NCOA2: variants seen among roughly 807,000 people sequenced by gnomAD.
NCOA2 encodes nuclear receptor coactivator 2.
NCOA2 carries 21 observed loss-of-function variants against 145.1 expected under a neutral mutation model. That is an observed-to-expected ratio of 0.14 (90% CI 0.10 to 0.21). The LOEUF is 0.21. Ranked by LOEUF, NCOA2 falls within the 10% of genes least tolerant of loss-of-function variation. The pLI is 1.00. For synonymous variants in NCOA2, 619 were observed against 637.5 expected, an observed-to-expected ratio of 0.97 and a Z score of 0.44; for missense variants, 1,472 against 1,837.6, an observed-to-expected ratio of 0.80 and a Z score of 3.64.
At chr8:70,141,102 G>T in intron 14 of NCOA2, 82 bp downstream of exon 14, 2 of 1,341,454 alleles carry the variant, frequency 1.5e-6, no homozygotes, top group Non-Finnish European at 1.0e-6. Flanking sequence ...CCCATAAGAA[G>T]CATGTCTTGA....
chr8:70,417,542 T>C, the NCOA2 span, among the ~76,000 whole-genome samples: 1 of 149,896 alleles, frequency 6.7e-6, no homozygotes, highest in African/African-American at 2.5e-5. Context: ...AGAGTGAGAC[T>C]CTGTCTCAAA....
At position 70,156,360 on chromosome 8, in the gene NCOA2, T is replaced by C; in HGVS notation, c.2005A>G (p.Thr669Ala). The change falls in exon 11 of 23, where the codon ACA (threonine) becomes GCA (alanine). Residue 669 changes from threonine to alanine, a missense_variant. By Grantham distance (58) the Thr-to-Ala change is moderately conservative. Coordinates refer to ENST00000452400, the MANE Select transcript of NCOA2 (RefSeq NM_006540.4). The part of the protein sequence containing the change: ...SSLSDTNKDS[T>A]GSLPGSGSTH... Reference sequence around the variant, plus strand: ...GACCCAGAACCAGGCAAGCTACCTGTGGAGTCTTTGTTTGTATCCGACAAA... The same window carrying C: ...GACCCAGAACCAGGCAAGCTACCTGCGGAGTCTTTGTTTGTATCCGACAAA... The C allele has an allele frequency of 6.2e-7, 1 of 1,613,932 alleles. No individual in the cohort carries two copies. The highest frequency in any genetic ancestry group is 8.5e-7 in the Non-Finnish European group (1 of 1,179,886).
intron 1 of NCOA2, among the ~76,000 whole-genome samples, chr8:70,366,821 A>C (rs1810733406): frequency 6.6e-6 from 1 of 152,088 alleles, no homozygotes; most frequent in South Asian, 2.1e-4. Flanking sequence ...GATTTTAGGC[A>C]AAGATGGGAT....
At chr8:70,138,914 G>A (rs1278493575) in intron 14 of NCOA2, among the ~76,000 whole-genome samples, 2 of 152,260 alleles carry the variant, frequency 1.3e-5, no homozygotes, top group Non-Finnish European at 1.5e-5. Context: ...ACGCTTGGGC[G>A]ATAATAAGAG....
At chr8:70,253,189 GAC>G in intron 2 of NCOA2, among the ~76,000 whole-genome samples, 1 of 152,244 alleles carries the variant, frequency 6.6e-6, no homozygotes, top group African/African-American at 2.4e-5. Context: ...GCAGAAAAAA[GAC>G]ATATTTCCTT....
chr8:70,219,738 C>T (rs1819981999), intron 2 of NCOA2, among the ~76,000 whole-genome samples: 1 of 152,104 alleles, frequency 6.6e-6, no homozygotes, highest in South Asian at 2.1e-4. Context: ...AAATTTATGC[C>T]CTGCATTTTA....
At chr8:70,171,352 A>C (rs1448490285) in intron 5 of NCOA2, among the ~76,000 whole-genome samples, 3 of 152,218 alleles carry the variant, frequency 2.0e-5, no homozygotes, top group African/African-American at 7.2e-5. Context: ...CAGTGGTAGT[A>C]CAGCTTGAAT....
chr8:70,212,998 C>T (rs1396231086), intron 4 of NCOA2, among the ~76,000 whole-genome samples: 1 of 150,726 alleles, frequency 6.6e-6, no homozygotes, highest in African/African-American at 2.4e-5. Context: ...GCAGGAGAAT[C>T]GCTTGAACCG....
rs759316260 is a variant in NCOA2 at position 70,124,827 on chromosome 8, T to C, written c.3955A>G (p.Thr1319Ala). 5.6e-6 allele frequency: 9 copies of C among 1,609,514 alleles called. No individual in the cohort carries two copies. In the Admixed American group the frequency reaches 6.8e-5, roughly 12 times the overall value. ...GACATAAGTGGGCTCTGGGGAGTCG[T>C]AGCCCCAGTAAAGCCTGGATCAGGT... The part of the protein sequence containing the change: ...QQPDPGFTGA[T>A]TPQSPLMSPR... Residue 1319 changes from threonine to alanine, a missense_variant, in exon 20 of 23, where the codon ACG becomes GCG. Physicochemically the swap from Thr to Ala is moderately conservative, Grantham distance 58. Coordinates refer to ENST00000452400, the MANE Select transcript of NCOA2 (RefSeq NM_006540.4).
intron 1 of NCOA2, chr8:70,401,982 C>A (rs1260744354): frequency 1.3e-5 from 2 of 152,252 alleles, no homozygotes; most frequent in Non-Finnish European, 2.9e-5. Context: ...GCAGCCTCTG[C>A]GGGTCGGAGC....
chr8:70,403,126 C>G (rs1291561077), intron 1 of NCOA2, among the ~76,000 whole-genome samples: 2 of 150,972 alleles, frequency 1.3e-5, no homozygotes, highest in African/African-American at 2.4e-5. Context: ...CCTGCCTCCC[C>G]TCGCCCGGCT....
chr8:70,158,530 G>C (rs1474288398), intron 10 of NCOA2, among the ~76,000 whole-genome samples: 1 of 152,082 alleles, frequency 6.6e-6, no homozygotes, highest in African/African-American at 2.4e-5. Flanking sequence ...TATATACATA[G>C]AAAGTTCTAG....
chr8:70,416,009 A>G, the NCOA2 span, among the ~76,000 whole-genome samples: 1 of 152,186 alleles, frequency 6.6e-6, no homozygotes, highest in South Asian at 2.1e-4. Flanking sequence ...GAAATTAGAT[A>G]TTTATATCTA....
chr8:70,248,334 C>T (rs1000445387), intron 2 of NCOA2, among the ~76,000 whole-genome samples: 1 of 152,166 alleles, frequency 6.6e-6, no homozygotes, highest in African/African-American at 2.4e-5. Context: ...TAGAACACTT[C>T]CATCACTCTG....
At position 70,354,125 on chromosome 8, in the gene NCOA2, AC is replaced by A. The variant is rs554814871; in HGVS notation, c.-77+49574del. ...AAGAAGGTTTCAGTTGTAATTCCAA[AC>A]CCATTACAGAGCATCACCAATAATA... On this transcript the variant is annotated intron_variant, in intron 1 of 22. Coordinates refer to ENST00000452400, the MANE Select transcript of NCOA2 (RefSeq NM_006540.4). Among the ~76,000 whole-genome samples, 61 of 152,270 alleles carry A rather than the reference AC, an allele frequency of 4.0e-4. 1 individual carries two copies. The highest frequency in any genetic ancestry group is 1.4e-3 in the African/African-American group (59 of 41,542).
At chr8:70,358,101 A>G (rs151240327) in intron 1 of NCOA2, among the ~76,000 whole-genome samples, 205 of 152,206 alleles carry the variant, frequency 1.3e-3, no homozygotes, top group African/African-American at 4.7e-3. Context: ...AAACACTCCT[A>G]AAGGAATTAA....
intron 2 of NCOA2, among the ~76,000 whole-genome samples, chr8:70,236,326 G>A (rs1821599904): frequency 6.6e-6 from 1 of 152,044 alleles, no homozygotes; most frequent in Admixed American, 6.5e-5. Flanking sequence ...CGAAGTCTGT[G>A]CTTTCTCAAA....
chr8:70,222,880 C>T (rs963204006), intron 2 of NCOA2, among the ~76,000 whole-genome samples: 1 of 152,116 alleles, frequency 6.6e-6, no homozygotes, highest in African/African-American at 2.4e-5. Context: ...CCAACATGGG[C>T]GAAAATGTCT....
upstream of NCOA2, among the ~76,000 whole-genome samples, chr8:70,405,515 T>C (rs1814744405): frequency 8.8e-6 from 1 of 114,204 alleles, no homozygotes; most frequent in African/African-American, 3.3e-5. Flanking sequence ...TGAGAGGAAA[T>C]GGAGAGTTTG....
Sources: gnomAD v4.1 joint callset for allele counts (sites outside exome capture counted in the v4.1 genomes callset) on GRCh38, gnomAD v4.1.1 for gene constraint, MANE v1.5 for transcripts, NCBI Gene and HGNC (gene_info 2026-07-23, HGNC 2026-07-21) for gene names.